The following SLC38A6 variants were observed in gnomAD, a reference collection of about 807,000 sequenced individuals.
SLC38A6 encodes N system amino acid transporter NAT-1.
SLC38A6 carries 73 observed loss-of-function variants against 65.0 expected under a neutral mutation model. That is an observed-to-expected ratio of 1.12 (90% CI 0.93 to 1.37). SLC38A6 has a LOEUF of 1.37. SLC38A6 is among the 40% of genes most tolerant of loss of function. SLC38A6 has a pLI of 0.00. For synonymous variants in SLC38A6, 183 were observed against 178.8 expected, an observed-to-expected ratio of 1.02 and a Z score of -0.19; for missense variants, 561 against 531.1, an observed-to-expected ratio of 1.06 and a Z score of -0.55.
chr14:61,083,467 T>C, intron 16 of SLC38A6: 1 of 1,479,060 alleles, frequency 6.8e-7, no homozygotes, highest in Non-Finnish European at 9.0e-7. Context: ...GCAACTGTAT[T>C]TGGAGATAGG....
chr14:61,023,003 A>G (rs1388819896), intron 5 of SLC38A6, among the ~76,000 whole-genome samples: 2 of 152,200 alleles, frequency 1.3e-5, no homozygotes, highest in African/African-American at 4.8e-5. Flanking sequence ...TCTTGGGGAC[A>G]GGAACTATGT....
At chr14:60,986,566 A>G (rs2037465242) in intron 3 of SLC38A6, among the ~76,000 whole-genome samples, 1 of 152,264 alleles carries the variant, frequency 6.6e-6, no homozygotes, top group Admixed American at 6.5e-5. Flanking sequence ...ACTAGGAAGC[A>G]GTACAAATAT....
intron 15 of SLC38A6, among the ~76,000 whole-genome samples, chr14:61,077,883 A>T (rs2043479992): frequency 6.6e-6 from 1 of 152,242 alleles, no homozygotes; most frequent in Admixed American, 6.5e-5. Flanking sequence ...TTTGCTTTTA[A>T]TAAATCAGAG....
intron 12 of SLC38A6, chr14:61,048,214 A>G (rs1594743748): frequency 2.3e-6 from 1 of 439,702 alleles, no homozygotes; most frequent in East Asian, 7.1e-5. Flanking sequence ...TATAAGGGCT[A>G]GCCTCAACTT....
chr14:61,023,303 G>A (rs2040434733), intron 5 of SLC38A6, among the ~76,000 whole-genome samples: 1 of 152,092 alleles, frequency 6.6e-6, no homozygotes. Flanking sequence ...GGGTGTGGAG[G>A]CCCACGCCTG....
chr14:61,032,259 ATTC>A (rs1176240204), intron 6 of SLC38A6, among the ~76,000 whole-genome samples: 1 of 151,794 alleles, frequency 6.6e-6, no homozygotes, highest in Non-Finnish European at 1.5e-5. Context: ...TCCTATTTAT[ATTC>A]TTTTATTGTC....
At chr14:61,028,425 C>T (rs2040732789) in intron 5 of SLC38A6, among the ~76,000 whole-genome samples, 1 of 152,090 alleles carries the variant, frequency 6.6e-6, no homozygotes, top group African/African-American at 2.4e-5. Context: ...TCAGAAAATT[C>T]AGTTCACAAT....
chr14:61,043,260 A>G (rs1287751818), intron 9 of SLC38A6, 48 bp downstream of exon 9: 17 of 1,282,642 alleles, frequency 1.3e-5, no homozygotes, highest in Non-Finnish European at 1.9e-5. Context: ...TATTTTAACT[A>G]AAAAGAAAAG....
chr14:60,986,475 C>G (rs765687436), intron 3 of SLC38A6, among the ~76,000 whole-genome samples: 11 of 152,164 alleles, frequency 7.2e-5, no homozygotes, highest in Non-Finnish European at 1.3e-4. Flanking sequence ...TTTATAGCCA[C>G]AACTTCTAAC....
In SLC38A6 at chr14:61,027,067, A is replaced by G. The variant is rs544668555; in HGVS notation, c.404-3378A>G. 3.7e-3 allele frequency among the ~76,000 whole-genome samples: 568 copies of G among 152,204 alleles called. 1 individual carries two copies. Among genetic ancestry groups the G allele is most frequent in the Admixed American group, 7.6e-3 (116 of 15,274 alleles). On this transcript the variant is annotated intron_variant, in intron 5 of 15. Coordinates refer to ENST00000267488, the MANE Select transcript of SLC38A6 (RefSeq NM_153811.3). Reference sequence around the variant, plus strand: ...ACCTAATCAGATTTTACCCCATTTTAGTCACTTTTTAATATTACTGTTGCT... The same window carrying G: ...ACCTAATCAGATTTTACCCCATTTTGGTCACTTTTTAATATTACTGTTGCT...
chr14:60,997,482 G>A (rs1400823144), intron 3 of SLC38A6, among the ~76,000 whole-genome samples: 3 of 152,116 alleles, frequency 2.0e-5, no homozygotes, highest in Admixed American at 6.6e-5. Flanking sequence ...CACAGTCCTC[G>A]CTCCAGGTCA....
chr14:61,037,449 G>T (rs1336767143), intron 7 of SLC38A6, among the ~76,000 whole-genome samples, 176 bp from the exon 8 acceptor site: 2 of 152,112 alleles, frequency 1.3e-5, no homozygotes, highest in African/African-American at 4.8e-5. Context: ...TTCCAATTCT[G>T]CTGTACAGAG....
At chr14:61,007,338 T>G (rs538673729) in intron 3 of SLC38A6, among the ~76,000 whole-genome samples, 92 of 151,130 alleles carry the variant, frequency 6.1e-4, no homozygotes, top group African/African-American at 1.9e-3. Context: ...TAAAATAAAA[T>G]AAAAGAACAG....
At chr14:61,043,872 A>C (rs111978199) in intron 10 of SLC38A6, among the ~76,000 whole-genome samples, 1,584 of 151,058 alleles carry the variant, frequency 0.01, 26 homozygotes, top group African/African-American at 0.037. Context: ...TATATCAAAA[A>C]CTCTTCCCCT....
At chr14:61,061,954 C>G (rs1166441438) in intron 15 of SLC38A6, among the ~76,000 whole-genome samples, 1 of 152,090 alleles carries the variant, frequency 6.6e-6, no homozygotes, top group Non-Finnish European at 1.5e-5. Context: ...TCTCATGCCT[C>G]AGCCTCCCCA....
intron 15 of SLC38A6, among the ~76,000 whole-genome samples, chr14:61,071,016 T>G (rs922472112): frequency 2.6e-5 from 4 of 152,222 alleles, no homozygotes; most frequent in Non-Finnish European, 4.4e-5. Context: ...ATTATTTCTT[T>G]TGCTGTGCAG....
At chr14:60,990,673 C>A (rs1407843089) in intron 3 of SLC38A6, among the ~76,000 whole-genome samples, 1 of 152,006 alleles carries the variant, frequency 6.6e-6, no homozygotes, top group East Asian at 1.9e-4. Flanking sequence ...TGCTGTGTGG[C>A]CCAGGCTGGA....
chr14:60,985,579 T>C (rs989920477), intron 3 of SLC38A6, among the ~76,000 whole-genome samples: 12 of 152,226 alleles, frequency 7.9e-5, no homozygotes, highest in Admixed American at 4.6e-4. Flanking sequence ...TTAATTCTTA[T>C]ATGGATGAGT....
chr14:61,068,891 T>C (rs1426571889), intron 15 of SLC38A6, among the ~76,000 whole-genome samples: 2 of 152,220 alleles, frequency 1.3e-5, no homozygotes, highest in African/African-American at 4.8e-5. Context: ...CCTTCTACTC[T>C]TTACCTCTAA....
Sources: gnomAD v4.1 joint callset for allele counts (sites outside exome capture counted in the v4.1 genomes callset) on GRCh38, gnomAD v4.1.1 for gene constraint, MANE v1.5 for transcripts, NCBI Gene and HGNC (gene_info 2026-07-23, HGNC 2026-07-21) for gene names.